OR5K1: variants seen among roughly 807,000 people sequenced by gnomAD.
OR5K1 encodes olfactory receptor 5K1.
In OR5K1, 7 loss-of-function variants were observed where a neutral mutation model predicts 10.4. That is an observed-to-expected ratio of 0.67 (90% CI 0.38 to 1.26). The LOEUF (loss-of-function observed/expected upper bound fraction) is 1.26, where lower values mean the gene tolerates loss of function less well. Ranked by LOEUF, OR5K1 falls within the 50% of genes most tolerant of loss-of-function variation. The pLI is 0.02. For missense variants in OR5K1, 435 were observed against 366.2 expected (o/e 1.19, Z -1.53); for synonymous variants, 135 against 128.5 (o/e 1.05, Z -0.34).
At chr3:98,464,126 C>T (rs1429010477) in intron 1 of OR5K1, among the ~76,000 whole-genome samples, 6 of 151,848 alleles carry the variant, frequency 4.0e-5, no homozygotes, top group African/African-American at 1.2e-4. Context: ...AAGCAGGTGG[C>T]GCATGCCTGT....
In OR5K1 at chr3:98,470,735, C is replaced by G; in HGVS notation, c.*232C>G. ...AAAAATGAAATTCTAATTTTGAACT[C>G]ATTCAAGTAACAATGTAGTATGTTG... On this transcript the variant is annotated 3_prime_UTR_variant, in exon 2 of 2. Transcript: ENST00000642057. The G allele has an allele frequency of 3.4e-6, 1 of 292,358 alleles. No individual in the cohort carries two copies. The highest frequency in any genetic ancestry group is 6.3e-6 in the Non-Finnish European group (1 of 158,696). The allele number at this position is 292,358 out of a possible 1,614,324, so 18.1% of individuals were successfully genotyped here.
At chr3:98,469,480 T>C (rs939343939) in intron 1 of OR5K1, 86 bp from the exon 2 acceptor site, 1 of 1,244,048 alleles carries the variant, frequency 8.0e-7, no homozygotes, top group Non-Finnish European at 1.1e-6. Context: ...TTGTGGAAGA[T>C]GCTCTCCTTC....
intron 1 of OR5K1, among the ~76,000 whole-genome samples, chr3:98,466,764 A>T (rs1418870138): frequency 7.6e-6 from 1 of 130,844 alleles, no homozygotes; most frequent in East Asian, 2.3e-4. Flanking sequence ...TTTTCTTGTA[A>T]ATTTGTTTGA....
rs375578469 is a variant in OR5K1 at position 98,467,181 on chromosome 3, C to G, written c.-11-2385C>G. Among the ~76,000 whole-genome samples the G allele has an allele frequency of 3.1e-5, 3 of 97,864 alleles. 1 individual carries two copies. Among genetic ancestry groups the G allele is most frequent in the East Asian group, 6.2e-4 (2 of 3,250 alleles). The allele number at this position is 97,864 out of a possible 152,430, so 64.2% of individuals were successfully genotyped here. ...AATCCTTTCCCCATTGCTTGTTTTT[C>G]TCAGGTTTGTCAAAGATCAGATAGT... On this transcript the variant is annotated intron_variant, in intron 1 of 1. Transcript: ENST00000642057.
At chr3:98,469,240 C>T (rs1371099063) in intron 1 of OR5K1, among the ~76,000 whole-genome samples, 2 of 152,002 alleles carry the variant, frequency 1.3e-5, no homozygotes, top group Non-Finnish European at 2.9e-5. Context: ...ACTGAGTACA[C>T]ATGTACAGAA....
chr3:98,469,510 A>C (rs2107092440), intron 1 of OR5K1, 56 bp from the exon 2 acceptor site: 1 of 1,503,918 alleles, frequency 6.6e-7, no homozygotes, highest in Non-Finnish European at 9.0e-7. Context: ...AAAGAGACCT[A>C]AATAACTGTG....
intron 1 of OR5K1, among the ~76,000 whole-genome samples, chr3:98,467,886 C>T (rs1354392704): frequency 6.7e-6 from 1 of 148,172 alleles, no homozygotes; most frequent in Non-Finnish European, 1.5e-5. Flanking sequence ...ATTGAATACC[C>T]TTTATTTCCT....
At chr3:98,465,011 C>T (rs1163515896) in intron 1 of OR5K1, among the ~76,000 whole-genome samples, 2 of 152,070 alleles carry the variant, frequency 1.3e-5, no homozygotes, top group African/African-American at 4.8e-5. Context: ...AAGAGCATGC[C>T]ATTTTATTTA....
rs372462811 is a variant in OR5K1, at chr3:98,470,672, A to G, written c.*169A>G. On this transcript the variant is annotated 3_prime_UTR_variant, in exon 2 of 2. Transcript: ENST00000642057. ...CAAGAGGTAAGGGTAGAATATACAA[A>G]AAAGAGTAAACTGTGGTAAATCTTA... 6.8e-6 allele frequency: 3 copies of G among 438,722 alleles called. No homozygotes were observed. Among genetic ancestry groups the G allele is most frequent in the African/African-American group, 4.1e-5 (2 of 49,076 alleles). The allele number at this position is 438,722 out of a possible 1,614,324, so 27.2% of individuals were successfully genotyped here.
chr3:98,468,882 A>T (rs1237599035), intron 1 of OR5K1, among the ~76,000 whole-genome samples: 3 of 152,136 alleles, frequency 2.0e-5, no homozygotes, highest in South Asian at 4.1e-4. Context: ...TTAAATTATG[A>T]ATCAGCTTTA....
intron 1 of OR5K1, among the ~76,000 whole-genome samples, chr3:98,463,595 A>G (rs1705337193): frequency 6.6e-6 from 1 of 152,046 alleles, no homozygotes; most frequent in South Asian, 2.1e-4. Context: ...ACTTATTTGA[A>G]TAATGTAGTT....
Position 98,470,042 on chromosome 3 carries a change from T to C in OR5K1, c.466T>C (p.Ser156Pro). The C allele has an allele frequency of 6.2e-7, 1 of 1,613,664 alleles. No individual in the cohort carries two copies. The highest frequency in any genetic ancestry group is 1.3e-5 in the African/African-American group (1 of 75,000). The change falls in exon 2 of 2, where the codon TCC (serine) becomes CCC (proline). Residue 156 changes from serine (S) to proline (P), a missense_variant. By Grantham distance (74) the Ser-to-Pro change is moderately conservative. Coordinates refer to ENST00000642057, the MANE Select transcript of OR5K1 (RefSeq NM_001004736.4). ...TGAFIAGNLH[S>P]MIHVGLVFRL... is the part of the protein sequence containing the mutation. ...GGCCTTCATAGCTGGAAACCTGCATTCCATGATTCATGTAGGGCTTGTATT... is the reference window on the plus strand; with the variant it reads ...GGCCTTCATAGCTGGAAACCTGCATCCCATGATTCATGTAGGGCTTGTATT...
At position 98,470,180 on chromosome 3, in the gene OR5K1, T is replaced by C. The variant is rs781268880; in HGVS notation, c.604T>C (p.Phe202Leu). Residue 202 changes from phenylalanine (F) to leucine (L), a missense_variant, in exon 2 of 2, where the codon TTC becomes CTC. Phe to Leu is a conservative substitution (Grantham distance 22). Coordinates refer to ENST00000642057, the MANE Select transcript of OR5K1 (RefSeq NM_001004736.4). ...PYINELVLFI[F>L]SGSVQVFTIG... ...TATCAATGAACTGGTTCTATTCATC[T>C]TCTCAGGTTCAGTTCAAGTCTTTAC... is the stretch of plus-strand genomic sequence containing the variant. 6.2e-7 allele frequency: 1 copy of C among 1,613,404 alleles called. No homozygotes were observed. Among genetic ancestry groups the C allele is most frequent in the Admixed American group, 1.7e-5 (1 of 59,872 alleles).
chr3:98,468,497 C>G (rs1705401078), intron 1 of OR5K1, among the ~76,000 whole-genome samples: 1 of 142,364 alleles, frequency 7.0e-6, no homozygotes, highest in Admixed American at 6.7e-5. Context: ...GTGCCCACCT[C>G]CCACTAACAA....
In OR5K1 at chr3:98,464,455, G is replaced by A. The variant is rs577431557; in HGVS notation, c.-12+1148G>A. 6.2e-4 allele frequency among the ~76,000 whole-genome samples: 94 copies of A among 152,148 alleles called. 1 individual carries two copies. The highest frequency in any genetic ancestry group is 3.4e-3 in the Middle Eastern group (1 of 292). On this transcript the variant is annotated intron_variant, in intron 1 of 1. Coordinates refer to ENST00000642057, the MANE Select transcript of OR5K1 (RefSeq NM_001004736.4). ...AAACTGTCTATCTAGAAATATCTAG[G>A]AGGGTCAGTCAACCTTTCAAAGCAA...
At chr3:98,463,887 C>A (rs1192646839) in intron 1 of OR5K1, among the ~76,000 whole-genome samples, 2 of 152,044 alleles carry the variant, frequency 1.3e-5, no homozygotes, top group Non-Finnish European at 2.9e-5. Flanking sequence ...TTCAAGCTGG[C>A]AAGGGCAAGG....
chr3:98,469,379 T>C (rs1705413108), intron 1 of OR5K1, 187 bp from the exon 2 acceptor site: 1 of 593,728 alleles, frequency 1.7e-6, no homozygotes, highest in African/African-American at 1.9e-5. Flanking sequence ...AAAATATGTT[T>C]CATCACTAGC....
Position 98,470,058 on chromosome 3 carries a change from G to C in OR5K1, c.482G>C (p.Gly161Ala). 1 of 1,613,502 alleles carries C rather than the reference G, an allele frequency of 6.2e-7. No homozygotes were observed. Among genetic ancestry groups the C allele is most frequent in the Non-Finnish European group, 8.5e-7 (1 of 1,179,710 alleles). Residue 161 changes from glycine (G) to alanine (A), a missense_variant, in exon 2 of 2, where the codon GGG (glycine) becomes GCG (alanine). Gly to Ala is a moderately conservative substitution (Grantham distance 60). Coordinates refer to ENST00000642057, the MANE Select transcript of OR5K1 (RefSeq NM_001004736.4). The part of the protein sequence containing the change: ...AGNLHSMIHV[G>A]LVFRLVFCGS... ...AACCTGCATTCCATGATTCATGTAG[G>C]GCTTGTATTTAGGTTAGTTTTCTGT...
chr3:98,470,166 T>C lies in OR5K1; in HGVS notation c.590T>C (p.Leu197Pro). 6.2e-7 allele frequency: 1 copy of C among 1,613,396 alleles called. No individual in the cohort carries two copies. Among genetic ancestry groups the C allele is most frequent in the Non-Finnish European group, 8.5e-7 (1 of 1,179,538 alleles). The change falls in exon 2 of 2, where the codon CTG becomes CCG. Residue 197 changes from leucine to proline, a missense_variant. Leu to Pro is a moderately conservative substitution (Grantham distance 98, BLOSUM62 -3). Coordinates refer to ENST00000642057, the MANE Select transcript of OR5K1 (RefSeq NM_001004736.4). ...LSCVDPYINE[L>P]VLFIFSGSVQ... ...TGTGTTGATCCTTATATCAATGAAC[T>C]GGTTCTATTCATCTTCTCAGGTTCA... is the stretch of plus-strand genomic sequence containing the variant.
Sources: allele counts gnomAD v4.1 joint callset (sites outside exome capture counted in the v4.1 genomes callset), GRCh38; gene constraint gnomAD v4.1.1; transcripts MANE v1.5; gene names NCBI Gene and HGNC (gene_info 2026-07-23, HGNC 2026-07-21).